AOPEP: variants seen among roughly 807,000 people sequenced by gnomAD.
AOPEP encodes the protein aminopeptidase O.
In AOPEP, 77 loss-of-function variants were observed where a neutral mutation model predicts 98.1. The observed-to-expected ratio is 0.78, with a 90% CI of 0.65 to 0.95. AOPEP has a LOEUF of 0.95. Ranked by LOEUF, AOPEP falls within the 40% of genes least tolerant of loss-of-function variation. The pLI is 0.00. For missense variants in AOPEP, 1,024 were observed against 1,024.7 expected (o/e 1.00, Z 0.01); for synonymous variants, 346 against 365.3 (o/e 0.95, Z 0.60).
intron 11 of AOPEP, among the ~76,000 whole-genome samples, chr9:94,985,535 G>A (rs762395915): frequency 6.6e-6 from 1 of 151,994 alleles, no homozygotes; most frequent in Non-Finnish European, 1.5e-5. Flanking sequence ...TAATTTTAAG[G>A]CCTATTAAGA....
chr9:94,819,388 A>C (rs1852456894), intron 5 of AOPEP, among the ~76,000 whole-genome samples: 1 of 152,182 alleles, frequency 6.6e-6, no homozygotes, highest in South Asian at 2.1e-4. Flanking sequence ...TGTGGCCAGC[A>C]GCTGCGGGGA....
intron 3 of AOPEP, among the ~76,000 whole-genome samples, chr9:94,777,031 C>CT (rs1424946154): frequency 2.0e-5 from 3 of 150,616 alleles, no homozygotes; most frequent in Admixed American, 6.6e-5. Context: ...GTATAACATT[C>CT]TTTTTTTTAA....
chr9:94,852,690 G>A (rs2043702021), intron 5 of AOPEP, among the ~76,000 whole-genome samples: 1 of 152,208 alleles, frequency 6.6e-6, no homozygotes, highest in African/African-American at 2.4e-5. Flanking sequence ...CGCAGTTTCA[G>A]AGGAAAAATC....
At chr9:94,813,388 A>G (rs1385080982) in intron 5 of AOPEP, among the ~76,000 whole-genome samples, 1 of 152,180 alleles carries the variant, frequency 6.6e-6, no homozygotes, top group Non-Finnish European at 1.5e-5. Flanking sequence ...TTTGATGATG[A>G]TACCACCTGA....
intron 3 of AOPEP, among the ~76,000 whole-genome samples, chr9:94,779,500 A>G (rs1159068271): frequency 6.6e-6 from 1 of 152,174 alleles, no homozygotes; most frequent in African/African-American, 2.4e-5. Flanking sequence ...GACCTAAATT[A>G]TTTATATTAG....
intron 5 of AOPEP, among the ~76,000 whole-genome samples, chr9:94,833,476 A>G (rs1440768372): frequency 6.6e-6 from 1 of 152,008 alleles, no homozygotes; most frequent in Non-Finnish European, 1.5e-5. Flanking sequence ...ACCTCAGGTG[A>G]TGCACCCGCC....
At chr9:95,041,710 A>G (rs1487921740) in intron 13 of AOPEP, among the ~76,000 whole-genome samples, 1 of 152,158 alleles carries the variant, frequency 6.6e-6, no homozygotes, top group Non-Finnish European at 1.5e-5. Flanking sequence ...CTTAGATTTG[A>G]TCAAGACGCG....
chr9:95,111,721 A>G, the AOPEP span: 7 of 1,531,270 alleles, frequency 4.6e-6, no homozygotes, highest in East Asian at 2.3e-5. Flanking sequence ...ACGTTTGCCA[A>G]CGGTTGGCTT....
chr9:95,101,665 C>T, the AOPEP span: 7,415 of 1,611,208 alleles, frequency 4.6e-3, 316 homozygotes, highest in African/African-American at 0.088. Flanking sequence ...CCCTGGCGAG[C>T]CTGATCCCTC....
At chr9:95,109,318 C>T in the AOPEP span, among the ~76,000 whole-genome samples, 14 of 152,294 alleles carry the variant, frequency 9.2e-5, no homozygotes, top group African/African-American at 3.1e-4. Flanking sequence ...GGCCATTTCC[C>T]ATTGTTGTAT....
chr9:94,962,196 T>G (rs145856288), intron 9 of AOPEP, among the ~76,000 whole-genome samples: 6 of 152,354 alleles, frequency 3.9e-5, no homozygotes, highest in African/African-American at 9.6e-5. Context: ...TCAATTAATA[T>G]TGTTCCTCCA....
intron 5 of AOPEP, among the ~76,000 whole-genome samples, chr9:94,812,000 G>T (rs1376968284): frequency 6.6e-6 from 1 of 152,164 alleles, no homozygotes; most frequent in Non-Finnish European, 1.5e-5. Context: ...CAAGTTATTT[G>T]AGAGTACAAT....
intron 13 of AOPEP, among the ~76,000 whole-genome samples, chr9:95,029,049 G>A (rs1587685146): frequency 6.6e-6 from 1 of 152,248 alleles, no homozygotes; most frequent in East Asian, 1.9e-4. Flanking sequence ...GTGGGCAGGT[G>A]CTGTGTGGCA....
At chr9:95,017,533 G>A (rs898764847) in intron 13 of AOPEP, among the ~76,000 whole-genome samples, 6 of 152,280 alleles carry the variant, frequency 3.9e-5, no homozygotes, top group African/African-American at 9.6e-5. Context: ...GTTATGCAGC[G>A]TGTGGCTCTA....
chr9:95,017,108 G>C (rs544149224), intron 13 of AOPEP, among the ~76,000 whole-genome samples: 50 of 151,940 alleles, frequency 3.3e-4, no homozygotes, highest in Non-Finnish European at 6.9e-4. Context: ...AACAGGAATG[G>C]CAGAAAGAAT....
chr9:94,728,239 G>GCGCGCGCGCGCGCGCACACACA (rs113657409), intron 1 of AOPEP, among the ~76,000 whole-genome samples: 32 of 146,606 alleles, frequency 2.2e-4, no homozygotes, highest in South Asian at 6.6e-4. Flanking sequence ...GTGCGCGCAT[G>GCGCGCGCGCGCGCGCACACACA]CACACACACA....
intron 4 of AOPEP, among the ~76,000 whole-genome samples, chr9:94,798,639 G>A (rs1057134707): frequency 2.0e-5 from 3 of 152,040 alleles, no homozygotes; most frequent in Non-Finnish European, 4.4e-5. Context: ...CCTCAGCTTT[G>A]TCCAGAAGAT....
intron 3 of AOPEP, among the ~76,000 whole-genome samples, chr9:94,774,706 AT>A (rs1235992541): frequency 2.0e-5 from 3 of 152,120 alleles, no homozygotes; most frequent in Non-Finnish European, 4.4e-5. Context: ...CAGGGGAGAC[AT>A]TTTATATAAA....
At chr9:95,131,178 G>A in the AOPEP span, among the ~76,000 whole-genome samples, 1 of 152,144 alleles carries the variant, frequency 6.6e-6, no homozygotes, top group African/African-American at 2.4e-5. Flanking sequence ...AACTTAACAA[G>A]TACCAAATGT....
Sources: gnomAD v4.1 joint callset for allele counts (sites outside exome capture counted in the v4.1 genomes callset) on GRCh38, gnomAD v4.1.1 for gene constraint, MANE v1.5 for transcripts, NCBI Gene and HGNC (gene_info 2026-07-23, HGNC 2026-07-21) for gene names.